Variants in TPTE2 observed in about 807,000 individuals in gnomAD.
TPTE2 encodes the protein phosphatidylinositol 3,4,5-trisphosphate 3-phosphatase TPTE2.
In TPTE2, 53 loss-of-function variants were observed where a neutral mutation model predicts 78.6. The observed-to-expected ratio is 0.67, with a 90% CI of 0.54 to 0.85. TPTE2 has a LOEUF of 0.85. TPTE2 is among the 40% of genes least tolerant of loss of function. The pLI, the probability that TPTE2 is intolerant of heterozygous loss-of-function variation, is 0.00. For synonymous variants in TPTE2, 175 were observed against 206.2 expected (o/e 0.85, Z 1.30); for missense variants, 461 against 623.0 (o/e 0.74, Z 2.77).
the TPTE2 span, among the ~76,000 whole-genome samples, chr13:19,553,903 A>G: frequency 6.6e-6 from 1 of 152,380 alleles, no homozygotes; most frequent in South Asian, 2.1e-4. Context: ...GTCAAGTTAT[A>G]TACTTTAAAT....
chr13:19,446,466 T>A (rs997251650), intron 13 of TPTE2, among the ~76,000 whole-genome samples: 1 of 152,070 alleles, frequency 6.6e-6, no homozygotes, highest in African/African-American at 2.4e-5. Flanking sequence ...TGAAAAAAAA[T>A]ACTTCCCCCC....
upstream of TPTE2, among the ~76,000 whole-genome samples, chr13:19,539,582 C>T (rs189651219): frequency 8.5e-4 from 129 of 152,240 alleles, no homozygotes; most frequent in Non-Finnish European, 1.2e-3. Flanking sequence ...TGAAAATGGA[C>T]TAATACAAAA....
chr13:19,455,610 A>C (rs1878494124), intron 10 of TPTE2, among the ~76,000 whole-genome samples: 1 of 152,210 alleles, frequency 6.6e-6, no homozygotes, highest in South Asian at 2.1e-4. Flanking sequence ...TGATAAAGAC[A>C]TTTCAGGAAA....
chr13:19,461,682 A>C (rs1341203358), intron 10 of TPTE2, among the ~76,000 whole-genome samples: 1 of 152,128 alleles, frequency 6.6e-6, no homozygotes, highest in Non-Finnish European at 1.5e-5. Flanking sequence ...TGAGTGCTCT[A>C]GTGTTGGGTA....
rs544329193 is a variant in TPTE2, at chr13:19,531,274, AT to A, written c.-44+5321del. Reference sequence around the variant, plus strand: ...GGATGAACATTTGAGTTGTTTCCACATTTTGGCTATTGTGACTTTATCCTGT... The same window carrying A: ...GGATGAACATTTGAGTTGTTTCCACATTTGGCTATTGTGACTTTATCCTGT... On this transcript the variant is annotated intron_variant, in intron 1 of 17. Coordinates refer to the TPTE2 transcript ENST00000390680. 1.2e-4 allele frequency among the ~76,000 whole-genome samples: 19 copies of A among 152,212 alleles called. No individual in the cohort carries two copies. In the East Asian group the frequency reaches 3.5e-3, roughly 28 times the overall value.
intron 13 of TPTE2, among the ~76,000 whole-genome samples, chr13:19,443,771 C>T (rs1367124952): frequency 7.3e-6 from 1 of 137,718 alleles, no homozygotes; most frequent in Non-Finnish European, 1.7e-5. Context: ...CACACACACA[C>T]ACACACACAG....
intron 13 of TPTE2, among the ~76,000 whole-genome samples, chr13:19,442,092 A>G (rs1877537860): frequency 6.6e-6 from 1 of 152,190 alleles, no homozygotes; most frequent in Non-Finnish European, 1.5e-5. Context: ...ATAGATGTAC[A>G]TAGAACACTG....
intron 10 of TPTE2, among the ~76,000 whole-genome samples, chr13:19,456,939 C>T (rs536255939): frequency 1.3e-5 from 2 of 152,200 alleles, no homozygotes; most frequent in Admixed American, 6.5e-5. Flanking sequence ...CACTATAAGG[C>T]CATAATAATT....
intron 10 of TPTE2, among the ~76,000 whole-genome samples, chr13:19,456,147 G>A (rs1055418799): frequency 2.0e-4 from 30 of 152,258 alleles, no homozygotes; most frequent in African/African-American, 6.3e-4. Flanking sequence ...TTATTAAAAT[G>A]AATATGTGAA....
chr13:19,432,943 G>A (rs1876782001), intron 15 of TPTE2, among the ~76,000 whole-genome samples: 1 of 152,204 alleles, frequency 6.6e-6, no homozygotes, highest in Non-Finnish European at 1.5e-5. Flanking sequence ...GTTTGGTGAA[G>A]AGCAGCTTCC....
At chr13:19,504,776 A>G (rs866766169), upstream of TPTE2, among the ~76,000 whole-genome samples, 36 of 152,214 alleles carry the variant, frequency 2.4e-4, 1 homozygote, top group African/African-American at 8.7e-4. Context: ...CTGTATGGCC[A>G]TGGATGATCC....
At chr13:19,435,242 G>A (rs1310685876) in intron 15 of TPTE2, among the ~76,000 whole-genome samples, 1 of 152,114 alleles carries the variant, frequency 6.6e-6, no homozygotes, top group African/African-American at 2.4e-5. Flanking sequence ...AACAAACATG[G>A]ACTACAAATT....
intron 10 of TPTE2, among the ~76,000 whole-genome samples, chr13:19,452,272 A>C (rs746793521): frequency 2.0e-4 from 31 of 152,138 alleles, no homozygotes; most frequent in Non-Finnish European, 4.0e-4. Flanking sequence ...TGAGAAATTT[A>C]AGCAAATTTT....
chr13:19,560,209 A>T, the TPTE2 span: 1 of 795,224 alleles, frequency 1.3e-6, no homozygotes, highest in Non-Finnish European at 2.0e-6. Flanking sequence ...ATACTCCAGC[A>T]GGGCCTCGTG....
At chr13:19,439,025 G>A (rs1215562684) in intron 13 of TPTE2, among the ~76,000 whole-genome samples, 4 of 152,174 alleles carry the variant, frequency 2.6e-5, no homozygotes, top group African/African-American at 9.7e-5. Context: ...GTGGGGGAAA[G>A]ACACAGGGAA....
intron 6 of TPTE2, among the ~76,000 whole-genome samples, chr13:19,470,031 T>C (rs371338900): frequency 6.6e-6 from 1 of 152,188 alleles, no homozygotes; most frequent in Non-Finnish European, 1.5e-5. Context: ...CTTTCTCTTC[T>C]ATAATGGCTC....
At chr13:19,542,401 T>A in the TPTE2 span, among the ~76,000 whole-genome samples, 2 of 152,314 alleles carry the variant, frequency 1.3e-5, no homozygotes, top group African/African-American at 2.4e-5. Context: ...TTAGCTTTTT[T>A]AAAAAATAAA....
intron 15 of TPTE2, among the ~76,000 whole-genome samples, chr13:19,435,375 C>T (rs1329077051): frequency 1.3e-5 from 2 of 152,196 alleles, no homozygotes; most frequent in Non-Finnish European, 2.9e-5. Context: ...AATGATCTGA[C>T]GACTGAAATT....
chr13:19,476,692 A>G (rs1419989694), intron 4 of TPTE2, among the ~76,000 whole-genome samples: 1 of 152,224 alleles, frequency 6.6e-6, no homozygotes, highest in East Asian at 1.9e-4. Context: ...CAGAATGGCT[A>G]TTACTAAAAA....
Sources: gnomAD v4.1 joint callset for allele counts (sites outside exome capture counted in the v4.1 genomes callset) on GRCh38, gnomAD v4.1.1 for gene constraint, MANE v1.5 for transcripts, NCBI Gene and HGNC (gene_info 2026-07-23, HGNC 2026-07-21) for gene names.